Variants in PTPRU observed in about 807,000 individuals in gnomAD.
PTPRU encodes receptor-type tyrosine-protein phosphatase U.
In PTPRU, 69 loss-of-function variants were observed where a neutral mutation model predicts 166.3. That is an observed-to-expected ratio of 0.41 (90% CI 0.34 to 0.51). PTPRU has a LOEUF of 0.51. PTPRU is among the 20% of genes least tolerant of loss of function. The pLI is 0.09. For synonymous variants in PTPRU, 793 were observed against 814.0 expected, an observed-to-expected ratio of 0.97 and a Z score of 0.44; for missense variants, 1,657 against 2,013.7, an observed-to-expected ratio of 0.82 and a Z score of 3.39.
Position 29,320,698 on chromosome 1 carries a change from G to A in PTPRU, c.3701G>A (p.Ser1234Asn), listed in dbSNP as rs146958148. 7 of 1,597,142 alleles carry A rather than the reference G, an allele frequency of 4.4e-6. No homozygotes were observed. The African/African-American group carries it at 9.4e-5, about 21-fold the overall frequency. The change falls in exon 26 of 30, where the codon AGT becomes AAT. Residue 1234 changes from serine (S) to asparagine (N), a missense_variant. Coordinates refer to ENST00000373779, the MANE Select transcript of PTPRU (RefSeq NM_133178.4). The surrounding 1 kb of genome is among the most constrained non-coding windows in gnomAD (Gnocchi z 5.2). ...GTTTCCCTGCAGAGCTACACACGGA[G>A]TGCGGCCTTCATCGTGACCCTGCAC... ...NAALTDSYTR[S>N]AAFIVTLHPL...
chr1:29,302,851 TTTA>T lies in PTPRU; in HGVS notation c.2477-998_2477-996del, dbSNP rs142508773. ...GGTTTGAGCCACCACACCCGGCCCA[TTTA>T]TTATTTTTATAGCGTATTTTTAGTG... On this transcript the variant is annotated intron_variant, in intron 15 of 29. Coordinates refer to ENST00000373779, the MANE Select transcript of PTPRU (RefSeq NM_133178.4). 6.5e-4 allele frequency among the ~76,000 whole-genome samples: 99 copies of T among 152,176 alleles called. 1 individual carries two copies. In the South Asian group the frequency reaches 7.1e-3, roughly 11 times the overall value.
chr1:29,236,686 G>T lies in PTPRU; in HGVS notation c.42G>T (p.Gln14His). 1 of 1,468,638 alleles carries T rather than the reference G, an allele frequency of 6.8e-7. No homozygotes were observed. Among genetic ancestry groups the T allele is most frequent in the Non-Finnish European group, 9.0e-7 (1 of 1,112,288 alleles). The allele number at this position is 1,468,638 out of a possible 1,614,324, so 91.0% of individuals were successfully genotyped here. The change falls in exon 1 of 30, where the codon CAG becomes CAT. Residue 14 changes from glutamine (Q) to histidine (H), a missense_variant. Gln to His is a conservative substitution (Grantham distance 24, BLOSUM62 0). This residue lies in a region of PTPRU where 453 missense variants were observed against 496.9 expected (regional missense o/e 0.91). Coordinates refer to ENST00000373779, the MANE Select transcript of PTPRU (RefSeq NM_133178.4). The surrounding 1 kb of genome is among the most constrained non-coding windows in gnomAD (Gnocchi z 4.6). ...AQALVLALTF[Q>H]LCAPETETPA... Reference sequence around the variant, plus strand: ...CGCTCGTGCTGGCACTCACCTTCCAGCTCTGCGCGCCGGAGACCGAGACTC... The same window carrying T: ...CGCTCGTGCTGGCACTCACCTTCCATCTCTGCGCGCCGGAGACCGAGACTC...
Position 29,283,985 on chromosome 1 carries a change from G to A in PTPRU, c.2179+9G>A, listed in dbSNP as rs774910489. ...CCGCATTGCCAGGAAAGGTAAGTCC[G>A]CTGAGTTCCTGCAGCCTTTCAGCGG... On this transcript the variant is annotated intron_variant, in intron 13 of 29. Transcript: ENST00000373779. The A allele has an allele frequency of 3.7e-6, 6 of 1,613,468 alleles. No homozygotes were observed. The highest frequency in any genetic ancestry group is 3.3e-5 in the Admixed American group (2 of 60,028).
intron 7 of PTPRU, among the ~76,000 whole-genome samples, chr1:29,264,932 A>G (rs1685231430): frequency 6.6e-6 from 1 of 152,140 alleles, no homozygotes; most frequent in African/African-American, 2.4e-5. Flanking sequence ...TCAGTAGTTT[A>G]TTCCTTTTTA....
intron 1 of PTPRU, among the ~76,000 whole-genome samples, chr1:29,247,060 C>T (rs1031903526): frequency 6.6e-6 from 1 of 152,252 alleles, no homozygotes; most frequent in Non-Finnish European, 1.5e-5. Context: ...TCTTCACTCA[C>T]TGCCCCTTTC....
chr1:29,264,187 G>T (rs925059677), intron 7 of PTPRU, among the ~76,000 whole-genome samples: 2 of 150,404 alleles, frequency 1.3e-5, no homozygotes, highest in African/African-American at 4.9e-5. Context: ...AAAAAAAAAG[G>T]AGTATTTATA....
chr1:29,313,655 A>G (rs1687768730), intron 22 of PTPRU, among the ~76,000 whole-genome samples: 1 of 152,164 alleles, frequency 6.6e-6, no homozygotes, highest in Non-Finnish European at 1.5e-5. Context: ...CCAAAGTTCG[A>G]GACCAGCCTG....
intron 15 of PTPRU, among the ~76,000 whole-genome samples, chr1:29,298,073 C>T (rs1054397144): frequency 1.3e-5 from 2 of 152,032 alleles, no homozygotes; most frequent in African/African-American, 4.8e-5. Context: ...GCCTGGCTAA[C>T]GTGGTGAAAC....
chr1:29,261,265 C>T (rs567305792), intron 7 of PTPRU, among the ~76,000 whole-genome samples: 1 of 152,214 alleles, frequency 6.6e-6, no homozygotes, highest in Non-Finnish European at 1.5e-5. Context: ...GAACTCTTGA[C>T]TGGCTGACTC....
rs1286812917 is a variant in PTPRU, at chr1:29,275,457, G to A, written c.1154G>A (p.Arg385Lys). The change falls in exon 8 of 30, where the codon AGG becomes AAG. Residue 385 changes from arginine to lysine, a missense_variant. Around this residue, in one of 3 missense-constraint regions of PTPRU, gnomAD observed 1,190 missense variants for 1,477.4 expected, o/e 0.81. Coordinates refer to ENST00000373779, the MANE Select transcript of PTPRU (RefSeq NM_133178.4). ...TTCCTGCATTCTCCAGAGCCCATGA[G>A]GGCCCCCAAAGGCCTGGCTTTTGCT... ...ISRTKCAEPM[R>K]APKGLAFAEI... The A allele has an allele frequency of 2.5e-6, 4 of 1,612,726 alleles. No homozygotes were observed.
intron 15 of PTPRU, 27 bp from the exon 16 acceptor site, chr1:29,303,827 GA>G: frequency 6.3e-7 from 1 of 1,578,590 alleles, no homozygotes; most frequent in East Asian, 2.3e-5. Flanking sequence ...TGTGTGTCAA[GA>G]ACCCTTTTGT....
intron 15 of PTPRU, among the ~76,000 whole-genome samples, chr1:29,299,892 C>G (rs1322668190): frequency 6.6e-6 from 1 of 152,132 alleles, no homozygotes; most frequent in Non-Finnish European, 1.5e-5. Context: ...TTTCAAGCTG[C>G]CTTTTAGGTC....
At chr1:29,246,703 C>A (rs149503710) in intron 1 of PTPRU, among the ~76,000 whole-genome samples, 3,330 of 152,150 alleles carry the variant, frequency 0.022, 114 homozygotes, top group African/African-American at 0.076. Context: ...GCCACCTCCG[C>A]CCCCTGGGTT....
intron 7 of PTPRU, among the ~76,000 whole-genome samples, chr1:29,262,742 C>G (rs1685124226): frequency 6.6e-6 from 1 of 152,126 alleles, no homozygotes; most frequent in Non-Finnish European, 1.5e-5. Context: ...CAACCATTAA[C>G]TCAATTAATT....
intron 8 of PTPRU, among the ~76,000 whole-genome samples, chr1:29,277,769 T>C (rs1055118722): frequency 6.9e-6 from 1 of 145,712 alleles, no homozygotes; most frequent in African/African-American, 2.5e-5. Context: ...AGCCTGGCTT[T>C]CTAACCTGAC....
Position 29,257,332 on chromosome 1 carries a change from C to G in PTPRU, c.206-1173C>G, listed in dbSNP as rs934255881. On this transcript the variant is annotated intron_variant, in intron 2 of 29. Transcript: ENST00000373779. This position sits in a 1 kb window ranked among gnomAD's most constrained non-coding sequence, Gnocchi z 4.6. ...TACTACTGCCCTGCTGGGACTGATC[C>G]AGGAGCCGCCTCCATAGGGCTTCTA... is the stretch of plus-strand genomic sequence containing the variant. 6.6e-6 allele frequency among the ~76,000 whole-genome samples: 1 copy of G among 152,112 alleles called. No homozygotes were observed. Among genetic ancestry groups the G allele is most frequent in the Non-Finnish European group, 1.5e-5 (1 of 68,012 alleles).
rs1366153716 is a variant in PTPRU, at chr1:29,325,675, T to C, written c.*14T>C. 2 of 1,590,546 alleles carry C rather than the reference T, an allele frequency of 1.3e-6. No homozygotes were observed. The highest frequency in any genetic ancestry group is 1.7e-6 in the Non-Finnish European group (2 of 1,165,498). Reference sequence around the variant, plus strand: ...GAGTCAAGATAGCGGGGCCCTGGCCTGGGGCACCCACTGCACACTCAGGGC... The same window carrying C: ...GAGTCAAGATAGCGGGGCCCTGGCCCGGGGCACCCACTGCACACTCAGGGC... On this transcript the variant is annotated 3_prime_UTR_variant, in exon 30 of 30. Coordinates refer to ENST00000373779, the MANE Select transcript of PTPRU (RefSeq NM_133178.4).
chr1:29,259,837 G>A lies in PTPRU; in HGVS notation c.676-33G>A, dbSNP rs1022874069. ...CGAGATCGGGACCCCTCGCTCCGAG[G>A]CGCCCCTGACCCCCTCACTCTCTTC... is the stretch of plus-strand genomic sequence containing the variant. On this transcript the variant is annotated intron_variant, in intron 5 of 29. Transcript: ENST00000373779. 2.5e-5 allele frequency: 37 copies of A among 1,508,816 alleles called. No homozygotes were observed. In the Admixed American group the frequency reaches 2.9e-4, roughly 12 times the overall value. The allele number at this position is 1,508,816 out of a possible 1,614,324, so 93.5% of individuals were successfully genotyped here.
In PTPRU at chr1:29,258,644, C is replaced by T. The variant is rs1391618357; in HGVS notation, c.345C>T (p.Gly115=). ...ACAGCCGGGACGGGCACAGCCCGGGCACCCTGGGCGTCTACGTGCGCGTTA... is the reference window on the plus strand; with the variant it reads ...ACAGCCGGGACGGGCACAGCCCGGGTACCCTGGGCGTCTACGTGCGCGTTA... ...FLYSRDGHSP[G]TLGVYVRVNG... Residue 115 remains glycine, a synonymous_variant, in exon 3 of 30, where the codon GGC becomes GGT. Transcript: ENST00000373779. The T allele has an allele frequency of 6.2e-7, 1 of 1,614,264 alleles. No individual in the cohort carries two copies. The highest frequency in any genetic ancestry group is 2.2e-5 in the East Asian group (1 of 44,886).
Sources: gnomAD v4.1 joint callset for allele counts (sites outside exome capture counted in the v4.1 genomes callset) on GRCh38, gnomAD v4.1.1 for gene constraint, gnomAD v4.1.1 regional missense constraint, Gnocchi (gnomAD v3.1) non-coding constraint, MANE v1.5 for transcripts, NCBI Gene and HGNC (gene_info 2026-07-23, HGNC 2026-07-21) for gene names.